The following NDUFA5 variants were observed in gnomAD, a reference collection of about 807,000 sequenced individuals.
NDUFA5 encodes the protein NADH:ubiquinone oxidoreductase subunit A5.
In NDUFA5, 11 loss-of-function variants were observed where a neutral mutation model predicts 19.8. The observed-to-expected ratio is 0.56, with a 90% CI of 0.35 to 0.92. NDUFA5 has a LOEUF of 0.92. Among genes scored for constraint, NDUFA5 ranks in the 40% least tolerant of loss-of-function variants. The pLI is 0.01. For synonymous variants in NDUFA5, 47 were observed against 46.8 expected (o/e 1.00, Z -0.01); for missense variants, 109 against 134.2 (o/e 0.81, Z 0.93).
chr7:123,587,106 C>T, the NDUFA5 span, among the ~76,000 whole-genome samples: 4 of 151,548 alleles, frequency 2.6e-5, no homozygotes, highest in Non-Finnish European at 5.9e-5. Context: ...CTGTGAAAAA[C>T]ATCATTGGAA....
At chr7:123,594,756 G>A in the NDUFA5 span, among the ~76,000 whole-genome samples, 5 of 152,172 alleles carry the variant, frequency 3.3e-5, no homozygotes, top group East Asian at 1.9e-4. Flanking sequence ...CCCACTTAAG[G>A]AGGCAGTCTG....
upstream of NDUFA5, among the ~76,000 whole-genome samples, chr7:123,559,185 T>C (rs1222409466): frequency 6.6e-6 from 1 of 151,700 alleles, no homozygotes; most frequent in Admixed American, 6.6e-5. Context: ...TGAACAACTA[T>C]GCTTAAAAAA....
At chr7:123,558,905 C>G (rs1434419578), upstream of NDUFA5, among the ~76,000 whole-genome samples, 1 of 151,848 alleles carries the variant, frequency 6.6e-6, no homozygotes, top group African/African-American at 2.4e-5. Context: ...AGAGATGAGG[C>G]CTTTCATTAG....
the NDUFA5 span, among the ~76,000 whole-genome samples, chr7:123,571,809 A>G: frequency 6.6e-6 from 1 of 152,166 alleles, no homozygotes; most frequent in Non-Finnish European, 1.5e-5. Flanking sequence ...TTGTTTCCCA[A>G]GCTGGAGTGC....
intron 2 of NDUFA5, 197 bp downstream of exon 2, chr7:123,557,207 A>G: frequency 1.3e-6 from 1 of 779,852 alleles, no homozygotes; most frequent in Non-Finnish European, 2.2e-6. Flanking sequence ...CTTAATAAAG[A>G]GGTCATGGCA....
At chr7:123,572,765 A>G in the NDUFA5 span, among the ~76,000 whole-genome samples, 2 of 151,062 alleles carry the variant, frequency 1.3e-5, no homozygotes, top group African/African-American at 4.9e-5. Flanking sequence ...AGTAGTATAT[A>G]TTTTTAATTA....
At chr7:123,560,316 G>A (rs1798672736), upstream of NDUFA5, among the ~76,000 whole-genome samples, 1 of 151,992 alleles carries the variant, frequency 6.6e-6, no homozygotes, top group Admixed American at 6.6e-5. Flanking sequence ...CAATATATTG[G>A]AAATATTAGC....
chr7:123,579,872 C>G, the NDUFA5 span, among the ~76,000 whole-genome samples: 7 of 152,182 alleles, frequency 4.6e-5, no homozygotes, highest in Admixed American at 4.6e-4. Flanking sequence ...CTGCAGGTTT[C>G]TCTTGCCATT....
At chr7:123,549,289 A>G (rs1209716982) in intron 3 of NDUFA5, among the ~76,000 whole-genome samples, 1 of 152,260 alleles carries the variant, frequency 6.6e-6, no homozygotes, top group Non-Finnish European at 1.5e-5. Flanking sequence ...AAGGCAGTTT[A>G]AATAGCAGAG....
rs538558013 is a variant in NDUFA5, at chr7:123,538,165, A to G, written c.*3954T>C. ...CCACCACCACTATGGTCATGGAAAT[A>G]TATGTTGATGGTGCCACACTCAGCC... On this transcript the variant is annotated 3_prime_UTR_variant, in exon 5 of 5. Transcript: ENST00000355749. 6.6e-6 allele frequency: 1 copy of G among 152,290 alleles called. No homozygotes were observed. The highest frequency in any genetic ancestry group is 2.4e-5 in the African/African-American group (1 of 41,564). 9.4% of individuals were successfully genotyped at this position (152,290 alleles called of 1,614,324 possible).
chr7:123,555,205 G>C (rs1345881491), intron 2 of NDUFA5: 1 of 152,116 alleles, frequency 6.6e-6, no homozygotes, highest in African/African-American at 2.4e-5. Context: ...TAAAGCATTC[G>C]GGCTTTATTC....
At chr7:123,600,215 C>A in the NDUFA5 span, among the ~76,000 whole-genome samples, 1 of 152,100 alleles carries the variant, frequency 6.6e-6, no homozygotes, top group South Asian at 2.1e-4. Context: ...AGTGGTAAAG[C>A]AAGACGTGTT....
chr7:123,550,637 C>T (rs1798301721), intron 2 of NDUFA5, 51 bp from the exon 3 acceptor site: 1 of 1,011,226 alleles, frequency 9.9e-7, no homozygotes, highest in African/African-American at 1.7e-5. Flanking sequence ...TTACCAAAGA[C>T]TTAATGGAAC....
intron 4 of NDUFA5, among the ~76,000 whole-genome samples, chr7:123,545,067 A>C (rs535936064): frequency 3.9e-5 from 6 of 152,046 alleles, no homozygotes; most frequent in Non-Finnish European, 8.8e-5. Flanking sequence ...TAATTTTTCT[A>C]ATCTCAGTCT....
intron 4 of NDUFA5, among the ~76,000 whole-genome samples, chr7:123,545,368 A>C (rs1471618331): frequency 2.0e-5 from 3 of 152,116 alleles, no homozygotes; most frequent in Admixed American, 1.3e-4. Flanking sequence ...AGAACATGCT[A>C]ATTAAATTAA....
chr7:123,543,069 C>T (rs1265280653), intron 4 of NDUFA5, among the ~76,000 whole-genome samples: 1 of 152,138 alleles, frequency 6.6e-6, no homozygotes. Context: ...AATACCCCAT[C>T]TATGACAGCG....
At chr7:123,556,534 A>G (rs1216041917) in intron 2 of NDUFA5, 2 of 171,968 alleles carry the variant, frequency 1.2e-5, no homozygotes, top group Non-Finnish European at 2.5e-5. Context: ...GAGTAGGGGG[A>G]AAAAATCAGG....
At chr7:123,566,015 T>C in the NDUFA5 span, among the ~76,000 whole-genome samples, 1 of 146,198 alleles carries the variant, frequency 6.8e-6, no homozygotes, top group Admixed American at 6.8e-5. Context: ...TGAGACTCCG[T>C]CTAAAAAAAA....
chr7:123,571,492 A>G, the NDUFA5 span, among the ~76,000 whole-genome samples: 245 of 152,328 alleles, frequency 1.6e-3, 1 homozygote, highest in African/African-American at 5.6e-3. Context: ...GGCCAATCAA[A>G]CAATTTTAAA....
Sources: gnomAD v4.1 joint callset for allele counts (sites outside exome capture counted in the v4.1 genomes callset) on GRCh38, gnomAD v4.1.1 for gene constraint, MANE v1.5 for transcripts, NCBI Gene and HGNC (gene_info 2026-07-23, HGNC 2026-07-21) for gene names.